PDE4D: variants seen among roughly 807,000 people sequenced by gnomAD.
PDE4D encodes 3',5'-cyclic-AMP phosphodiesterase 4D.
Under a neutral mutation model 87.4 loss-of-function variants are expected in PDE4D, and 24 were observed. The ratio of observed to expected loss-of-function variants is 0.27; its 90% CI spans 0.20 to 0.39. The LOEUF is 0.39. PDE4D is among the 10% of genes least tolerant of loss of function. The probability of loss-of-function intolerance (pLI) is 1.00; values close to 1 mark genes in which losing one functional copy is unlikely to be tolerated. For synonymous variants in PDE4D, 384 were observed against 383.2 expected (o/e 1.00, Z -0.02); for missense variants, 714 against 1,041.0 (o/e 0.69, Z 4.32).
At chr5:59,498,435 T>C (rs909304507) in intron 1 of PDE4D, among the ~76,000 whole-genome samples, 1 of 151,746 alleles carries the variant, frequency 6.6e-6, no homozygotes, top group African/African-American at 2.4e-5. Flanking sequence ...AATATTGATA[T>C]GTAAGGTTTT....
At chr5:59,651,212 C>T (rs1001164973) in intron 1 of PDE4D, among the ~76,000 whole-genome samples, 12 of 150,084 alleles carry the variant, frequency 8.0e-5, no homozygotes, top group Admixed American at 2.7e-4. Flanking sequence ...GCCGAGATCG[C>T]GCCACTGCAC....
chr5:59,650,183 A>G (rs972595164), intron 1 of PDE4D, among the ~76,000 whole-genome samples: 3 of 152,020 alleles, frequency 2.0e-5, no homozygotes, highest in Non-Finnish European at 4.4e-5. Context: ...ATTCAGTAAC[A>G]TGATTAACTC....
intron 1 of PDE4D, among the ~76,000 whole-genome samples, chr5:60,387,562 A>G (rs2150019349): frequency 6.6e-6 from 1 of 152,008 alleles, no homozygotes; most frequent in South Asian, 2.1e-4. Flanking sequence ...GCCTGTACTG[A>G]CCCCCTCTTT....
At chr5:59,527,568 T>G (rs1049176163) in intron 1 of PDE4D, among the ~76,000 whole-genome samples, 1 of 152,214 alleles carries the variant, frequency 6.6e-6, no homozygotes, top group Non-Finnish European at 1.5e-5. Flanking sequence ...CCTATTCTTA[T>G]TTCTTCAAAA....
At chr5:59,248,201 T>A (rs917285361) in intron 1 of PDE4D, among the ~76,000 whole-genome samples, 4 of 148,736 alleles carry the variant, frequency 2.7e-5, no homozygotes, top group African/African-American at 9.9e-5. Flanking sequence ...AAATATAAGA[T>A]TTTATTTCCA....
chr5:58,980,329 A>C (rs1744810369), intron 11 of PDE4D, among the ~76,000 whole-genome samples: 1 of 152,174 alleles, frequency 6.6e-6, no homozygotes, highest in Admixed American at 6.6e-5. Flanking sequence ...TGGGGCCAGC[A>C]CTTAAAACCA....
chr5:59,771,479 A>G (rs62370539), intron 1 of PDE4D, among the ~76,000 whole-genome samples: 10,042 of 62,762 alleles, frequency 0.16, 727 homozygotes, highest in South Asian at 0.2. Flanking sequence ...GAAAGAAAGA[A>G]AGAAAGAGAG....
At position 59,372,343 on chromosome 5, in the gene PDE4D, GA is replaced by G. The variant is rs1290872581; in HGVS notation, c.456-156376del. ...TTGAGGATATAAACTTTAAACTCTA[GA>G]ATGTTGGACACATCTTTGAAAATAA... On this transcript the variant is annotated intron_variant, in intron 1 of 14. Transcript: ENST00000340635. Among the ~76,000 whole-genome samples the G allele has an allele frequency of 3.3e-5, 5 of 152,168 alleles. No homozygotes were observed. In the East Asian group the frequency reaches 9.6e-4, roughly 29 times the overall value.
intron 1 of PDE4D, among the ~76,000 whole-genome samples, chr5:60,226,773 T>C (rs1745159130): frequency 6.6e-6 from 1 of 151,926 alleles, no homozygotes; most frequent in Non-Finnish European, 1.5e-5. Context: ...CAATGCCATC[T>C]GACACTTCCA....
intron 2 of PDE4D, among the ~76,000 whole-genome samples, chr5:60,169,259 A>G (rs1783198550): frequency 6.6e-6 from 1 of 152,184 alleles, no homozygotes. Flanking sequence ...ATCTTGCAGT[A>G]GAAAAGCCTC....
At chr5:60,116,669 A>T (rs969125815) in intron 2 of PDE4D, among the ~76,000 whole-genome samples, 1 of 152,096 alleles carries the variant, frequency 6.6e-6, no homozygotes, top group African/African-American at 2.4e-5. Flanking sequence ...GGTGCTGCTA[A>T]ATAGAAAAAA....
chr5:59,522,063 T>C (rs1327859141), intron 1 of PDE4D, among the ~76,000 whole-genome samples: 1 of 152,216 alleles, frequency 6.6e-6, no homozygotes, highest in Non-Finnish European at 1.5e-5. Flanking sequence ...ATTGTATAAT[T>C]TCCCATGTTC....
intron 1 of PDE4D, among the ~76,000 whole-genome samples, chr5:59,354,327 T>C (rs971427157): frequency 6.6e-6 from 1 of 152,226 alleles, no homozygotes; most frequent in Non-Finnish European, 1.5e-5. Flanking sequence ...GGATTTTGTA[T>C]ATTTTTTAAA....
chr5:59,703,590 GC>G lies in PDE4D; in HGVS notation c.455+189577del, dbSNP rs774115807. ...TCTGGTGGTGTTTTCTTTGTCCCCAGCCGACTTCACAATGAAATGTTTCTAC... is the reference window on the plus strand; with the variant it reads ...TCTGGTGGTGTTTTCTTTGTCCCCAGCGACTTCACAATGAAATGTTTCTAC... On this transcript the variant is annotated intron_variant, in intron 1 of 14. Transcript: ENST00000340635. 5 of 534,350 alleles carry G rather than the reference GC, an allele frequency of 9.4e-6. No homozygotes were observed. The East Asian group carries it at 2.7e-4, about 29-fold the overall frequency. 33.1% of individuals were successfully genotyped at this position (534,350 alleles called of 1,614,324 possible). A position where few individuals can be genotyped will look rare whatever the true frequency, so the allele number is the denominator to read the frequency against.
intron 1 of PDE4D, among the ~76,000 whole-genome samples, chr5:60,423,835 A>T (rs1328039808): frequency 6.6e-6 from 1 of 152,228 alleles, no homozygotes; most frequent in Non-Finnish European, 1.5e-5. Flanking sequence ...AATAGATGCA[A>T]TAAAAAATGA....
chr5:59,049,092 T>G, intron 5 of PDE4D, among the ~76,000 whole-genome samples: 1 of 152,200 alleles, frequency 6.6e-6, no homozygotes, highest in Non-Finnish European at 1.5e-5. Context: ...TATTTACATC[T>G]AAGACTATCC....
At chr5:59,249,351 C>T (rs183137487) in intron 1 of PDE4D, among the ~76,000 whole-genome samples, 6 of 152,134 alleles carry the variant, frequency 3.9e-5, no homozygotes, top group Admixed American at 2.6e-4. Context: ...AACTCTCAAG[C>T]AGTGTGGCTT....
At chr5:60,016,314 C>T (rs1209905368) in intron 2 of PDE4D, among the ~76,000 whole-genome samples, 2 of 152,116 alleles carry the variant, frequency 1.3e-5, no homozygotes, top group Non-Finnish European at 2.9e-5. Context: ...CTAACGATCA[C>T]CTGAGCCTTC....
intron 1 of PDE4D, among the ~76,000 whole-genome samples, chr5:59,729,969 C>T (rs1010702972): frequency 1.3e-4 from 20 of 151,994 alleles, no homozygotes; most frequent in Non-Finnish European, 2.9e-5. Context: ...AATTGTGAGT[C>T]CTTAGATAAC....
Sources: allele counts gnomAD v4.1 joint callset (sites outside exome capture counted in the v4.1 genomes callset), GRCh38; gene constraint gnomAD v4.1.1; transcripts MANE v1.5; gene names NCBI Gene and HGNC (gene_info 2026-07-23, HGNC 2026-07-21).